Variants in ROBO1 observed in about 807,000 individuals in gnomAD.
ROBO1 encodes the protein roundabout homolog 1.
In ROBO1, 149 loss-of-function variants were observed where a neutral mutation model predicts 195.9. The observed-to-expected ratio is 0.76, with a 90% CI of 0.67 to 0.87. ROBO1 has a LOEUF of 0.87. Ranked by LOEUF, ROBO1 falls within the 40% of genes least tolerant of loss-of-function variation. ROBO1 has a pLI of 0.00. For missense variants in ROBO1, 1,933 were observed against 2,068.3 expected (o/e 0.93, Z 1.27); for synonymous variants, 816 against 733.2 (o/e 1.11, Z -1.82).
At chr3:79,080,478 A>T (rs2079252548) in intron 3 of ROBO1, among the ~76,000 whole-genome samples, 1 of 152,230 alleles carries the variant, frequency 6.6e-6, no homozygotes, top group East Asian at 1.9e-4. Context: ...AATTAAAAAA[A>T]ACTAGACTAT....
intron 1 of ROBO1, among the ~76,000 whole-genome samples, chr3:79,656,873 G>A (rs1488107199): frequency 1.3e-5 from 2 of 150,316 alleles, no homozygotes; most frequent in Non-Finnish European, 2.9e-5. Flanking sequence ...CTCTGGCTTG[G>A]AGGACAGAGC....
intron 3 of ROBO1, among the ~76,000 whole-genome samples, chr3:78,950,458 C>T (rs1230297628): frequency 7.4e-6 from 1 of 134,310 alleles, no homozygotes. Context: ...GGGAATTGAA[C>T]AACGAGAACA....
At chr3:78,986,699 T>C (rs1291607572) in intron 3 of ROBO1, among the ~76,000 whole-genome samples, 1 of 152,172 alleles carries the variant, frequency 6.6e-6, no homozygotes. Context: ...GAAGAACATG[T>C]ATAGAAGGCA....
At chr3:79,212,490 A>G (rs17044180) in intron 2 of ROBO1, among the ~76,000 whole-genome samples, 24,776 of 152,116 alleles carry the variant, frequency 0.16, 3,652 homozygotes, top group African/African-American at 0.4. Flanking sequence ...TGTCTTTTTT[A>G]GTGAATAACA....
intron 2 of ROBO1, among the ~76,000 whole-genome samples, chr3:79,291,097 G>A (rs1027337702): frequency 3.3e-5 from 5 of 151,998 alleles, no homozygotes; most frequent in African/African-American, 1.2e-4. Context: ...TCAATATATC[G>A]GTTTGTTATT....
chr3:79,154,539 C>G (rs1176098932), intron 2 of ROBO1, among the ~76,000 whole-genome samples: 1 of 151,690 alleles, frequency 6.6e-6, no homozygotes, highest in African/African-American at 2.4e-5. Context: ...TCACATTTAA[C>G]CTTTGCAAAT....
intron 2 of ROBO1, among the ~76,000 whole-genome samples, chr3:79,365,657 G>A (rs996347001): frequency 6.6e-6 from 1 of 152,076 alleles, no homozygotes; most frequent in African/African-American, 2.4e-5. Flanking sequence ...CAGCACTTTG[G>A]GAGGCCGAGG....
intron 3 of ROBO1, among the ~76,000 whole-genome samples, chr3:78,960,780 ACACACACAC>A (rs2041294427): frequency 2.8e-4 from 1 of 3,574 alleles, no homozygotes; most frequent in African/African-American, 7.0e-4. Flanking sequence ...CCGTATTAAA[ACACACACAC>A]ACACACACAC....
intron 2 of ROBO1, among the ~76,000 whole-genome samples, chr3:79,507,381 T>C (rs1940459469): frequency 6.6e-6 from 1 of 152,142 alleles, no homozygotes. Flanking sequence ...TCACTGACTT[T>C]CCTCTCTATT....
At chr3:79,099,052 A>G (rs1249311244) in intron 3 of ROBO1, among the ~76,000 whole-genome samples, 2 of 151,786 alleles carry the variant, frequency 1.3e-5, no homozygotes, top group African/African-American at 2.4e-5. Flanking sequence ...TTATATGACA[A>G]AAAGAAAACT....
At chr3:79,653,737 A>C (rs900932283) in intron 1 of ROBO1, among the ~76,000 whole-genome samples, 1 of 151,896 alleles carries the variant, frequency 6.6e-6, no homozygotes, top group Admixed American at 6.6e-5. Context: ...CAATAATGTC[A>C]GATGAATCCC....
intron 1 of ROBO1, among the ~76,000 whole-genome samples, chr3:79,603,269 G>A (rs994752741): frequency 7.4e-6 from 1 of 135,852 alleles, no homozygotes; most frequent in Non-Finnish European, 1.5e-5. Flanking sequence ...GGGAGACCAG[G>A]CAGTTTCCTG....
intron 8 of ROBO1, among the ~76,000 whole-genome samples, chr3:78,705,051 T>A (rs2081517642): frequency 6.6e-6 from 1 of 152,224 alleles, no homozygotes; most frequent in African/African-American, 2.4e-5. Context: ...ATTCAGTTAA[T>A]TCAATTGTTC....
chr3:79,303,301 G>A (rs1041258637), intron 2 of ROBO1, among the ~76,000 whole-genome samples: 1 of 151,406 alleles, frequency 6.6e-6, no homozygotes, highest in African/African-American at 2.4e-5. Flanking sequence ...CAAGTAGCTA[G>A]AACTAAGGCA....
At chr3:79,446,725 A>G (rs1449698944) in intron 2 of ROBO1, among the ~76,000 whole-genome samples, 2 of 152,210 alleles carry the variant, frequency 1.3e-5, no homozygotes, top group African/African-American at 2.4e-5. Flanking sequence ...TATTTTTGAC[A>G]TTATGTTCTA....
At chr3:78,754,212 A>G (rs2082870517) in intron 4 of ROBO1, among the ~76,000 whole-genome samples, 1 of 152,210 alleles carries the variant, frequency 6.6e-6, no homozygotes, top group Non-Finnish European at 1.5e-5. Context: ...AAGTATTGCT[A>G]TTAGTCACTA....
At chr3:78,735,535 T>C (rs192017955) in intron 5 of ROBO1, among the ~76,000 whole-genome samples, 51 of 152,306 alleles carry the variant, frequency 3.3e-4, no homozygotes, top group Admixed American at 3.3e-3. Context: ...TATTCAGTCA[T>C]TTAAGATGAA....
intron 1 of ROBO1, among the ~76,000 whole-genome samples, chr3:79,721,265 C>A (rs1247609714): frequency 6.6e-6 from 1 of 152,078 alleles, no homozygotes; most frequent in African/African-American, 2.4e-5. Context: ...TAATTACTCT[C>A]CTCTATTGCA....
intron 5 of ROBO1, among the ~76,000 whole-genome samples, chr3:78,726,183 T>C (rs778947984): frequency 6.6e-6 from 1 of 152,188 alleles, no homozygotes; most frequent in Non-Finnish European, 1.5e-5. Context: ...TTTCCTTTAA[T>C]ATATTTTACA....
Sources: gnomAD v4.1 joint callset for allele counts (sites outside exome capture counted in the v4.1 genomes callset) on GRCh38, gnomAD v4.1.1 for gene constraint, MANE v1.5 for transcripts, NCBI Gene and HGNC (gene_info 2026-07-23, HGNC 2026-07-21) for gene names.